SLAMF9: variants seen among roughly 807,000 people sequenced by gnomAD.
SLAMF9 encodes SLAM family member 9, also known as CD2 family member 10.
SLAMF9 carries 25 observed loss-of-function variants against 30.4 expected under a neutral mutation model. The ratio of observed to expected loss-of-function variants is 0.82; its 90% CI spans 0.60 to 1.15. The LOEUF (loss-of-function observed/expected upper bound fraction) is 1.15. Ranked by LOEUF, SLAMF9 falls within the 50% of genes most tolerant of loss-of-function variation. The pLI, the probability that SLAMF9 is intolerant of heterozygous loss-of-function variation, is 0.00. For synonymous variants in SLAMF9, 129 were observed against 127.2 expected (o/e 1.01, Z -0.09); for missense variants, 344 against 346.1 (o/e 0.99, Z 0.05).
the SLAMF9 span, among the ~76,000 whole-genome samples, chr1:159,971,101 G>C: frequency 6.6e-6 from 1 of 152,110 alleles, no homozygotes; most frequent in Non-Finnish European, 1.5e-5. Context: ...GTCAGTCACC[G>C]GCCCTTCCAA....
In SLAMF9 at chr1:159,953,552, C is replaced by G. The variant is rs780882924; in HGVS notation, c.148G>C (p.Val50Leu). The change falls in exon 2 of 4, where the codon GTT becomes CTT. Residue 50 changes from valine (V) to leucine (L), a missense_variant. Val to Leu is a conservative substitution (Grantham distance 32). Transcript: ENST00000368093. ...LPLEIPPDEE[V>L]ENIIWSSHKS... ...TGAGAGGACCAGATGATGTTCTCAA[C>G]CTCTTCATCTGGTGGTATTTCCAGG... 8 of 1,614,184 alleles carry G rather than the reference C, an allele frequency of 5.0e-6. No homozygotes were observed. Among genetic ancestry groups the G allele is most frequent in the Non-Finnish European group, 6.8e-6 (8 of 1,180,006 alleles).
upstream of SLAMF9, among the ~76,000 whole-genome samples, chr1:159,957,593 C>A (rs1273281470): frequency 6.6e-6 from 1 of 152,062 alleles, no homozygotes; most frequent in Non-Finnish European, 1.5e-5. Context: ...CACTGCACCC[C>A]AGCCTGGCGA....
rs768420405 is a variant in SLAMF9 at position 159,952,270 on chromosome 1, A to G, written c.656T>C (p.Phe219Ser). 1 of 1,613,908 alleles carries G rather than the reference A, an allele frequency of 6.2e-7. No homozygotes were observed. The highest frequency in any genetic ancestry group is 1.3e-5 in the African/African-American group (1 of 74,974). Residue 219 changes from phenylalanine (F) to serine (S), a missense_variant, in exon 3 of 4, where the codon TTC (phenylalanine) becomes TCC (serine). Transcript: ENST00000368093. ...VSSCPIPDGP[F>S]YADPNYASEK... ...CTCAGGGGTTCTGGTACCTGCATAG[A>G]AGGGCCCATCAGGGATGGGGCAAGA...
At chr1:159,961,854 A>C in the SLAMF9 span, among the ~76,000 whole-genome samples, 1 of 151,962 alleles carries the variant, frequency 6.6e-6, no homozygotes, top group Non-Finnish European at 1.5e-5. Flanking sequence ...TTTATAAGTT[A>C]TGCACTCAAG....
Position 159,952,291 on chromosome 1 carries a change from C to T in SLAMF9, c.635G>A (p.Cys212Tyr). The change falls in exon 3 of 4, where the codon TGC becomes TAC. Residue 212 changes from cysteine (C) to tyrosine (Y), a missense_variant. Cys to Tyr is a radical substitution (Grantham distance 194). Transcript: ENST00000368093. ...ANNPISNVSS[C>Y]PIPDGPFYAD... ...ATAGAAGGGCCCATCAGGGATGGGG[C>T]AAGAACTGACGTTGCTGATGGGGTT... The T allele has an allele frequency of 1.2e-6, 2 of 1,613,990 alleles. No individual in the cohort carries two copies.
the SLAMF9 span, among the ~76,000 whole-genome samples, chr1:159,979,659 CT>C: frequency 0.16 from 23,479 of 142,842 alleles, 1,788 homozygotes; most frequent in Middle Eastern, 0.26. Context: ...GTAAGGCAAT[CT>C]TTTTTTTTTT....
chr1:159,952,612 G>T (rs747389168), intron 2 of SLAMF9, 78 bp from the exon 3 acceptor site: 16 of 1,486,450 alleles, frequency 1.1e-5, no homozygotes, highest in Non-Finnish European at 1.5e-5. Context: ...CAAACCTGGG[G>T]TACTAATGCT....
At chr1:159,963,345 C>T in the SLAMF9 span, among the ~76,000 whole-genome samples, 2 of 152,114 alleles carry the variant, frequency 1.3e-5, no homozygotes, top group African/African-American at 2.4e-5. Context: ...ACATAAGACA[C>T]GAGAATAGGT....
chr1:159,967,282 T>C, the SLAMF9 span, among the ~76,000 whole-genome samples: 1 of 152,188 alleles, frequency 6.6e-6, no homozygotes, highest in Non-Finnish European at 1.5e-5. Flanking sequence ...ATGCTATCCC[T>C]CCCTTGAGTT....
the SLAMF9 span, among the ~76,000 whole-genome samples, chr1:159,973,473 C>G: frequency 6.6e-6 from 1 of 152,190 alleles, no homozygotes; most frequent in Non-Finnish European, 1.5e-5. Flanking sequence ...CCAGACCCTT[C>G]TGGAATCTTG....
the SLAMF9 span, among the ~76,000 whole-genome samples, chr1:159,981,233 G>A: frequency 8.1e-3 from 1,229 of 152,272 alleles, 67 homozygotes; most frequent in East Asian, 0.15. Context: ...TGCACATAGA[G>A]GGAAGACTGT....
chr1:159,956,114 T>A (rs1451755294), upstream of SLAMF9, among the ~76,000 whole-genome samples: 1 of 152,202 alleles, frequency 6.6e-6, no homozygotes, highest in African/African-American at 2.4e-5. Context: ...TGTCTATCAA[T>A]GGATGAATGT....
At chr1:159,975,004 C>A in the SLAMF9 span, among the ~76,000 whole-genome samples, 1 of 152,142 alleles carries the variant, frequency 6.6e-6, no homozygotes, top group Non-Finnish European at 1.5e-5. Flanking sequence ...TGCCACCAAC[C>A]ACAGAGCACT....
At chr1:159,958,357 G>A (rs1419142993), upstream of SLAMF9, among the ~76,000 whole-genome samples, 1 of 152,182 alleles carries the variant, frequency 6.6e-6, no homozygotes, top group Non-Finnish European at 1.5e-5. Flanking sequence ...GATGCCTATT[G>A]AGGAGAGGAA....
the SLAMF9 span, among the ~76,000 whole-genome samples, chr1:159,971,163 G>A: frequency 1.3e-5 from 2 of 152,302 alleles, no homozygotes; most frequent in African/African-American, 4.8e-5. Flanking sequence ...AGAAATGATA[G>A]TGCTTGGCAT....
At chr1:159,957,930 G>A (rs1186872851), upstream of SLAMF9, among the ~76,000 whole-genome samples, 1 of 152,228 alleles carries the variant, frequency 6.6e-6, no homozygotes, top group Admixed American at 6.5e-5. Flanking sequence ...GAGTTTTAAT[G>A]TGGGGAAAGG....
At chr1:159,962,115 G>A in the SLAMF9 span, among the ~76,000 whole-genome samples, 168 of 151,492 alleles carry the variant, frequency 1.1e-3, no homozygotes, top group African/African-American at 3.3e-3. Context: ...CCAAGATAGC[G>A]CCACTGTACT....
the SLAMF9 span, among the ~76,000 whole-genome samples, chr1:159,981,566 C>G: frequency 6.6e-6 from 1 of 152,242 alleles, no homozygotes; most frequent in Admixed American, 6.5e-5. Context: ...AGGCAAGCTC[C>G]TCTTTTCCAT....
upstream of SLAMF9, chr1:159,954,372 T>TCACTGACTCATGATGCC (rs1396942105): frequency 2.6e-6 from 1 of 386,226 alleles, no homozygotes; most frequent in Admixed American, 4.4e-5. Context: ...GACAGTTTAC[T>TCACTGACTCATGATGCC]CACTGACTCA....
Sources: gnomAD v4.1 joint callset for allele counts (sites outside exome capture counted in the v4.1 genomes callset) on GRCh38, gnomAD v4.1.1 for gene constraint, MANE v1.5 for transcripts, NCBI Gene and HGNC (gene_info 2026-07-23, HGNC 2026-07-21) for gene names.